The following MYH15 variants were observed in gnomAD, a reference collection of about 807,000 sequenced individuals.
MYH15 encodes the protein myosin-15.
A neutral mutation model predicts 240.5 loss-of-function variants in MYH15; 227 were observed. That is an observed-to-expected ratio of 0.94 (90% CI 0.85 to 1.05). The LOEUF is 1.05. Among genes scored for constraint, MYH15 ranks in the 50% least tolerant of loss-of-function variants. The probability of loss-of-function intolerance (pLI) is 0.00; values close to 1 mark genes in which losing one functional copy is unlikely to be tolerated. For synonymous variants in MYH15, 785 were observed against 796.7 expected, an observed-to-expected ratio of 0.99 and a Z score of 0.25; for missense variants, 2,217 against 2,247.5, an observed-to-expected ratio of 0.99 and a Z score of 0.27.
intron 33 of MYH15, among the ~76,000 whole-genome samples, chr3:108,401,577 G>A (rs929381229): frequency 3.3e-5 from 5 of 152,180 alleles, no homozygotes; most frequent in African/African-American, 1.2e-4. Context: ...ACACTTATCT[G>A]TCCTACATTG....
chr3:108,549,234 T>G, the MYH15 span, among the ~76,000 whole-genome samples: 1 of 150,774 alleles, frequency 6.6e-6, no homozygotes, highest in African/African-American at 2.4e-5. Context: ...TTGATTAAAT[T>G]TTTTTTTTTA....
chr3:108,467,524 GA>G (rs949619740), intron 14 of MYH15, among the ~76,000 whole-genome samples: 5 of 152,114 alleles, frequency 3.3e-5, no homozygotes, highest in African/African-American at 1.2e-4. Flanking sequence ...ACCAGTGAAT[GA>G]AAAGTATTGA....
At chr3:108,393,600 G>A (rs1465575444) in intron 36 of MYH15, among the ~76,000 whole-genome samples, 3 of 152,214 alleles carry the variant, frequency 2.0e-5, no homozygotes, top group Non-Finnish European at 4.4e-5. Flanking sequence ...TCTTCAAGCA[G>A]TAGTACAGGT....
intron 30 of MYH15, among the ~76,000 whole-genome samples, chr3:108,413,261 C>T (rs556806458): frequency 6.6e-6 from 1 of 152,298 alleles, no homozygotes; most frequent in African/African-American, 2.4e-5. Context: ...ACATCTACTG[C>T]AGGTATTTTT....
intron 21 of MYH15, among the ~76,000 whole-genome samples, chr3:108,447,478 C>T (rs921872588): frequency 1.3e-5 from 2 of 152,006 alleles, no homozygotes; most frequent in South Asian, 2.1e-4. Flanking sequence ...ACAAAAGTAA[C>T]TTGTCACATA....
chr3:108,514,732 T>C (rs911936470), upstream of MYH15, among the ~76,000 whole-genome samples: 20 of 152,086 alleles, frequency 1.3e-4, no homozygotes, highest in African/African-American at 4.8e-4. Context: ...CAGCCACGAC[T>C]CCTAACTCAC....
chr3:108,505,870 T>G (rs1374221008), intron 1 of MYH15, 41 bp from the exon 2 acceptor site: 1 of 1,335,770 alleles, frequency 7.5e-7, no homozygotes, highest in Admixed American at 1.8e-5. Flanking sequence ...ATAGCTATAG[T>G]ACTTACAGAA....
rs201690373 is a variant in MYH15 at position 108,421,178 on chromosome 3, G to A, written c.3739C>T (p.Arg1247Cys). 161 of 1,613,698 alleles carry A rather than the reference G, an allele frequency of 1.0e-4. No homozygotes were observed. Among genetic ancestry groups the A allele is most frequent in the African/African-American group, 1.9e-4 (14 of 75,034 alleles). ...AEKLCTLYEE[R>C]LHEATAKLDK... ...AGCTTTGCAGTTGCTTCATGCAAGC[G>A]CTCTTCATATAGAGTACAGAGTTTC... Residue 1247 changes from arginine (R) to cysteine (C), a missense_variant, in exon 28 of 41, where the codon CGC becomes TGC. Coordinates refer to ENST00000693548, the MANE Select transcript of MYH15 (RefSeq NM_014981.3).
chr3:108,550,656 G>A, the MYH15 span: 1 of 151,338 alleles, frequency 6.6e-6, no homozygotes, highest in Non-Finnish European at 1.5e-5. Context: ...ATTTTCTTTT[G>A]TGCTTCTTCA....
intron 9 of MYH15, among the ~76,000 whole-genome samples, chr3:108,487,131 A>G (rs548382565): frequency 1.3e-5 from 2 of 152,350 alleles, no homozygotes; most frequent in Admixed American, 6.5e-5. Context: ...TCACTTAGTC[A>G]GGAAACATAA....
chr3:108,427,635 C>CAGAGAGAGAG (rs1553766067), intron 27 of MYH15, among the ~76,000 whole-genome samples: 4 of 146,624 alleles, frequency 2.7e-5, no homozygotes, highest in Admixed American at 6.8e-5. Context: ...CACACACACA[C>CAGAGAGAGAG]AGAGAGAGAG....
the MYH15 span, among the ~76,000 whole-genome samples, chr3:108,534,699 C>CT: frequency 9.1e-6 from 1 of 110,030 alleles, no homozygotes; most frequent in Non-Finnish European, 2.1e-5. Flanking sequence ...GATCACATCT[C>CT]TAAAAAAAAA....
chr3:108,445,724 T>A (rs2082921979), intron 21 of MYH15, among the ~76,000 whole-genome samples: 1 of 152,112 alleles, frequency 6.6e-6, no homozygotes, highest in South Asian at 2.1e-4. Context: ...CCCCCAAGAT[T>A]TTCAGATAAT....
intron 9 of MYH15, among the ~76,000 whole-genome samples, chr3:108,488,206 T>C (rs555879729): frequency 1.4e-4 from 21 of 152,264 alleles, no homozygotes; most frequent in African/African-American, 5.1e-4. Flanking sequence ...TCTACATGGG[T>C]GAGATCATGT....
intron 21 of MYH15, among the ~76,000 whole-genome samples, chr3:108,452,396 C>CA (rs200851989): frequency 2.1e-4 from 30 of 144,992 alleles, no homozygotes; most frequent in Admixed American, 1.3e-3. Context: ...TTAGTAGCAA[C>CA]AAAAAAAAAG....
chr3:108,407,899 C>T (rs2082558266), intron 32 of MYH15, among the ~76,000 whole-genome samples: 1 of 152,186 alleles, frequency 6.6e-6, no homozygotes, highest in Non-Finnish European at 1.5e-5. Flanking sequence ...CCTGATTCAA[C>T]AGAGATGGGC....
At chr3:108,464,578 C>A in intron 15 of MYH15, 60 bp downstream of exon 15, 1 of 1,470,150 alleles carries the variant, frequency 6.8e-7, no homozygotes, top group South Asian at 1.3e-5. Flanking sequence ...AGGACTTTGG[C>A]TGAGCGCATT....
intron 22 of MYH15, among the ~76,000 whole-genome samples, chr3:108,443,841 A>G (rs2082904113): frequency 6.7e-6 from 1 of 149,230 alleles, no homozygotes; most frequent in African/African-American, 2.5e-5. Context: ...AAAATATCTG[A>G]GAGTGGAGTC....
chr3:108,539,154 A>C, the MYH15 span, among the ~76,000 whole-genome samples: 1 of 152,230 alleles, frequency 6.6e-6, no homozygotes, highest in Non-Finnish European at 1.5e-5. Flanking sequence ...CACAAAGTTA[A>C]TATACAAAAG....
Sources: gnomAD v4.1 joint callset for allele counts (sites outside exome capture counted in the v4.1 genomes callset) on GRCh38, gnomAD v4.1.1 for gene constraint, MANE v1.5 for transcripts, NCBI Gene and HGNC (gene_info 2026-07-23, HGNC 2026-07-21) for gene names.